The following FRS3 variants were observed in gnomAD, a reference collection of about 807,000 sequenced individuals.
The protein encoded by FRS3 is fibroblast growth factor receptor substrate 3, also known as FGFR substrate 3.
FRS3 carries 17 observed loss-of-function variants against 41.9 expected under a neutral mutation model. The ratio of observed to expected loss-of-function variants is 0.41; its 90% CI spans 0.28 to 0.61. FRS3 has a LOEUF of 0.61. Among genes scored for constraint, FRS3 ranks in the 20% least tolerant of loss-of-function variants. The pLI is 0.36. For synonymous variants in FRS3, 287 were observed against 274.5 expected, an observed-to-expected ratio of 1.05 and a Z score of -0.45; for missense variants, 619 against 672.1, an observed-to-expected ratio of 0.92 and a Z score of 0.87.
intron 2 of FRS3, 40 bp from the exon 3 acceptor site, chr6:41,777,050 G>C: frequency 6.8e-7 from 1 of 1,469,152 alleles, no homozygotes; most frequent in Non-Finnish European, 9.5e-7. Context: ...ACCAACTTCA[G>C]CTTCAAAAAA....
At chr6:41,779,288 G>C (rs1241507194) in intron 1 of FRS3, among the ~76,000 whole-genome samples, 1 of 152,020 alleles carries the variant, frequency 6.6e-6, no homozygotes, top group African/African-American at 2.4e-5. Flanking sequence ...GATAGGTATG[G>C]ATCAGGGGCA....
intron 1 of FRS3, among the ~76,000 whole-genome samples, chr6:41,778,525 G>A (rs1437356296): frequency 1.3e-5 from 2 of 152,138 alleles, no homozygotes; most frequent in African/African-American, 4.8e-5. Flanking sequence ...TTCTCAAAAG[G>A]ACACTGTGAT....
In FRS3 at chr6:41,771,838, G is replaced by T. The variant is rs1353386430; in HGVS notation, c.542C>A (p.Ala181Asp). 1 of 1,552,530 alleles carries T rather than the reference G, an allele frequency of 6.4e-7. No individual in the cohort carries two copies. ...CACCTGCTCATCAGGAGCAATGAGG[G>T]CATGGGTGGACTCTTCCCCAAGCGA... Reference protein sequence around the residue: ...HPSLGEESTHALIAPDEQSHT... With the variant: ...HPSLGEESTHDLIAPDEQSHT... Residue 181 changes from alanine (A) to aspartate (D), a missense_variant, in exon 6 of 7, where the codon GCC becomes GAC. By Grantham distance (126) the Ala-to-Asp change is moderately radical (BLOSUM62 -2). Transcript: ENST00000373018.
Position 41,772,914 on chromosome 6 carries a change from A to T in FRS3, c.299T>A (p.Leu100His), listed in dbSNP as rs762682572. ...GTTGCACTGCATCAGATCCTGAAGG[A>T]GGTTGAAGATTTCCTCAGCCCGGGA... ...KCSRAEEIFNLLQDLMQCNSI... is the reference protein window; with the variant it reads ...KCSRAEEIFNHLQDLMQCNSI... Residue 100 changes from leucine to histidine, a missense_variant, in exon 5 of 7, where the codon CTC (leucine) becomes CAC (histidine). Around this residue, in one of 3 missense-constraint regions of FRS3, gnomAD observed 100 missense variants for 138.1 expected, o/e 0.72. Coordinates refer to ENST00000373018, the MANE Select transcript of FRS3 (RefSeq NM_006653.5). 1.9e-6 allele frequency: 3 copies of T among 1,613,674 alleles called. No individual in the cohort carries two copies. In the African/African-American group the frequency reaches 4.0e-5, roughly 22 times the overall value.
Position 41,771,302 on chromosome 6 carries a change from G to A in FRS3, c.796C>T (p.Pro266Ser). The change falls in exon 7 of 7, where the codon CCC becomes TCC. Residue 266 changes from proline (P) to serine (S), a missense_variant. By Grantham distance (74) the Pro-to-Ser change is moderately conservative. This residue lies in a region of FRS3 where 487 missense variants were observed against 478.3 expected (regional missense o/e 1.02). Transcript: ENST00000373018. ...CQGLCPSLHD[P>S]PHHNNNNEAP... ...TCATTGTTATTATTGTGGTGTGGGG[G>A]GTCATGCAGGCTGGGACAGAGGCCC... The A allele has an allele frequency of 6.2e-7, 1 of 1,613,404 alleles. No homozygotes were observed. Among genetic ancestry groups the A allele is most frequent in the South Asian group, 1.1e-5 (1 of 90,986 alleles).
At chr6:41,779,375 G>A (rs1211292424) in intron 1 of FRS3, among the ~76,000 whole-genome samples, 1 of 151,954 alleles carries the variant, frequency 6.6e-6, no homozygotes, top group Non-Finnish European at 1.5e-5. Context: ...TTGGATGTGG[G>A]CATTTTGGAT....
chr6:41,775,627 G>A lies in FRS3; in HGVS notation c.67-22C>T. The A allele has an allele frequency of 3.1e-6, 5 of 1,594,596 alleles. No individual in the cohort carries two copies. In the South Asian group the frequency reaches 4.4e-5, roughly 14 times the overall value. Reference sequence around the variant, plus strand: ...TCACCTGGAGGGGAGAAGACAGAAGGGTCAATGAGTGAGTCCAACAAGTGT... The same window carrying A: ...TCACCTGGAGGGGAGAAGACAGAAGAGTCAATGAGTGAGTCCAACAAGTGT... On this transcript the variant is annotated intron_variant, in intron 3 of 6. Transcript: ENST00000373018.
Position 41,772,887 on chromosome 6 carries a change from C to G in FRS3, c.326G>C (p.Ser109Thr). 9.3e-6 allele frequency: 15 copies of G among 1,613,848 alleles called. No homozygotes were observed. The highest frequency in any genetic ancestry group is 1.2e-5 in the Non-Finnish European group (14 of 1,179,896). ...GACAGGCTCTTCCATCACATTGATG[C>G]TGTTGCACTGCATCAGATCCTGAAG... is the stretch of plus-strand genomic sequence containing the variant. ...NLLQDLMQCNSINVMEEPVII... is the reference protein window; with the variant it reads ...NLLQDLMQCNTINVMEEPVII... Residue 109 changes from serine (S) to threonine (T), a missense_variant, in exon 5 of 7, where the codon AGC becomes ACC. Around this residue, in one of 3 missense-constraint regions of FRS3, gnomAD observed 487 missense variants for 478.3 expected, o/e 1.02. Coordinates refer to ENST00000373018, the MANE Select transcript of FRS3 (RefSeq NM_006653.5).
chr6:41,774,621 T>C (rs906087986), intron 4 of FRS3, among the ~76,000 whole-genome samples: 1 of 152,086 alleles, frequency 6.6e-6, no homozygotes, highest in Non-Finnish European at 1.5e-5. Flanking sequence ...TGAGTGTCTG[T>C]CAATCAGGGG....
Position 41,771,507 on chromosome 6 carries a change from G to A in FRS3, c.591C>T (p.Ala197=). The part of the protein sequence containing the change: ...EQSHTYVNTP[A]SEDDHRRGRH... Reference sequence around the variant, plus strand: ...GGCCCCTGCGGTGGTCATCTTCACTGGCCGGTGTGTTGACATAGGTGTGGG... The same window carrying A: ...GGCCCCTGCGGTGGTCATCTTCACTAGCCGGTGTGTTGACATAGGTGTGGG... Residue 197 remains alanine (A), a synonymous_variant, in exon 7 of 7, where the codon GCC becomes GCT. Transcript: ENST00000373018. The A allele has an allele frequency of 6.4e-7, 1 of 1,553,298 alleles. No individual in the cohort carries two copies. Among genetic ancestry groups the A allele is most frequent in the South Asian group, 1.2e-5 (1 of 83,826 alleles).
At chr6:41,777,045 C>T (rs1368424526) in intron 2 of FRS3, 35 bp from the exon 3 acceptor site, 2 of 1,502,478 alleles carry the variant, frequency 1.3e-6, no homozygotes, top group South Asian at 1.1e-5. Flanking sequence ...AGGTCACCAA[C>T]TTCAGCTTCA....
intron 3 of FRS3, 148 bp from the exon 4 acceptor site, chr6:41,775,753 A>G (rs1772398227): frequency 1.6e-5 from 11 of 673,568 alleles, no homozygotes; most frequent in Non-Finnish European, 2.6e-5. Context: ...TGAATGCCAC[A>G]TAACTACATG....
At chr6:41,776,073 G>T (rs971370370) in intron 3 of FRS3, among the ~76,000 whole-genome samples, 2 of 152,106 alleles carry the variant, frequency 1.3e-5, no homozygotes, top group Non-Finnish European at 2.9e-5. Context: ...CCTTACTGAG[G>T]GCTCCCTCTT....
intron 3 of FRS3, among the ~76,000 whole-genome samples, chr6:41,776,073 G>A (rs971370370): frequency 6.6e-5 from 10 of 152,106 alleles, no homozygotes; most frequent in Admixed American, 3.3e-4. Flanking sequence ...CCTTACTGAG[G>A]GCTCCCTCTT....
At chr6:41,777,113 T>C (rs1355611480) in intron 2 of FRS3, 103 bp from the exon 3 acceptor site, 3 of 758,230 alleles carry the variant, frequency 4.0e-6, no homozygotes, top group East Asian at 2.7e-5. Context: ...ACCTACTCTG[T>C]CCAAGAGACT....
chr6:41,775,303 T>C, intron 4 of FRS3, 116 bp downstream of exon 4: 3 of 756,680 alleles, frequency 4.0e-6, no homozygotes, highest in Non-Finnish European at 6.1e-6. Flanking sequence ...CATCACACTC[T>C]ACTGCCCACA....
At chr6:41,772,390 T>C (rs930680117) in intron 5 of FRS3, among the ~76,000 whole-genome samples, 4 of 152,154 alleles carry the variant, frequency 2.6e-5, no homozygotes, top group African/African-American at 9.7e-5. Context: ...CTGAATTCAA[T>C]GACTGAATAA....
intron 3 of FRS3, 120 bp from the exon 4 acceptor site, chr6:41,775,725 G>A (rs529737475): frequency 2.0e-4 from 147 of 723,772 alleles, no homozygotes; most frequent in Non-Finnish European, 3.4e-4. Context: ...GGTCACATCC[G>A]ACTATCACAG....
chr6:41,773,895 A>C (rs1313217134), intron 4 of FRS3, among the ~76,000 whole-genome samples: 1 of 152,028 alleles, frequency 6.6e-6, no homozygotes, highest in Non-Finnish European at 1.5e-5. Context: ...AAAGAAAAGA[A>C]AAAAAACAAA....
Sources: gnomAD v4.1 joint callset for allele counts (sites outside exome capture counted in the v4.1 genomes callset) on GRCh38, gnomAD v4.1.1 for gene constraint, gnomAD v4.1.1 regional missense constraint, MANE v1.5 for transcripts, NCBI Gene and HGNC (gene_info 2026-07-23, HGNC 2026-07-21) for gene names.